CNTNAP5: variants seen among roughly 807,000 people sequenced by gnomAD.
CNTNAP5 encodes contactin associated protein family member 5.
CNTNAP5 carries 72 observed loss-of-function variants against 150.2 expected under a neutral mutation model. That is an observed-to-expected ratio of 0.48 (90% CI 0.40 to 0.58). The LOEUF is 0.58. Among genes scored for constraint, CNTNAP5 ranks in the 20% least tolerant of loss-of-function variants. The pLI is 0.00. For missense variants in CNTNAP5, 1,636 were observed against 1,626.2 expected (o/e 1.01, Z -0.10); for synonymous variants, 672 against 619.8 (o/e 1.08, Z -1.25).
In CNTNAP5 at chr2:124,167,263, C is replaced by T. The variant is rs1413052199; in HGVS notation, c.83-54442C>T. 2.0e-5 allele frequency among the ~76,000 whole-genome samples: 3 copies of T among 152,142 alleles called. No homozygotes were observed. The East Asian group carries it at 5.8e-4, about 29-fold the overall frequency. Reference sequence around the variant, plus strand: ...AATTCATTAAAACATGTTGCTTCTGCTCCTCAACACAAGTTTTAGGGGTGA... The same window carrying T: ...AATTCATTAAAACATGTTGCTTCTGTTCCTCAACACAAGTTTTAGGGGTGA... On this transcript the variant is annotated intron_variant, in intron 1 of 23. Transcript: ENST00000682447.
At chr2:124,072,524 T>G (rs996293782) in intron 1 of CNTNAP5, among the ~76,000 whole-genome samples, 1 of 151,958 alleles carries the variant, frequency 6.6e-6, no homozygotes, top group African/African-American at 2.4e-5. Context: ...ACAAATTCAG[T>G]AAAATTGCAG....
intron 13 of CNTNAP5, among the ~76,000 whole-genome samples, chr2:124,679,402 G>A (rs1331177248): frequency 6.6e-6 from 1 of 151,806 alleles, no homozygotes; most frequent in Non-Finnish European, 1.5e-5. Flanking sequence ...GATTCTGAAG[G>A]ACTTTGACAT....
At chr2:124,690,024 A>AT (rs34426663) in intron 13 of CNTNAP5, among the ~76,000 whole-genome samples, 34,062 of 151,554 alleles carry the variant, frequency 0.22, 4,191 homozygotes, top group Non-Finnish European at 0.29. Flanking sequence ...CTTACGGGAA[A>AT]TTTTTTTTTG....
At chr2:124,720,107 C>T (rs1312787951) in intron 13 of CNTNAP5, among the ~76,000 whole-genome samples, 1 of 152,094 alleles carries the variant, frequency 6.6e-6, no homozygotes, top group East Asian at 1.9e-4. Flanking sequence ...TTTGAATGAC[C>T]TTTTAGCTTA....
intron 11 of CNTNAP5, among the ~76,000 whole-genome samples, chr2:124,575,909 C>T (rs1170967585): frequency 6.6e-6 from 1 of 152,114 alleles, no homozygotes; most frequent in Non-Finnish European, 1.5e-5. Context: ...GATAACAGGC[C>T]ACAACCTCCG....
At chr2:124,510,312 T>TATCTATATATCTATATATATATAA in intron 8 of CNTNAP5, among the ~76,000 whole-genome samples, 1 of 118,892 alleles carries the variant, frequency 8.4e-6, no homozygotes, top group Admixed American at 1.0e-4. Flanking sequence ...TATATATATA[T>TATCTATATATCTATATATATATAA]CTATATATCT....
At chr2:124,883,745 T>C (rs1349772276) in intron 21 of CNTNAP5, among the ~76,000 whole-genome samples, 1 of 152,112 alleles carries the variant, frequency 6.6e-6, no homozygotes, top group Non-Finnish European at 1.5e-5. Flanking sequence ...TACATGCATG[T>C]ATATGCATAT....
rs570818227 is a variant in CNTNAP5, at chr2:124,151,002, T to C, written c.83-70703T>C. ...CATATCTATGGGTCAAGCTCAGTGC[T>C]AGAGATACATATGTGAATAACAGGG... On this transcript the variant is annotated intron_variant, in intron 1 of 23. Coordinates refer to ENST00000682447, the MANE Select transcript of CNTNAP5 (RefSeq NM_001367498.1). Among the ~76,000 whole-genome samples the C allele has an allele frequency of 1.4e-4, 22 of 152,284 alleles. 1 individual carries two copies. The highest frequency in any genetic ancestry group is 5.1e-4 in the African/African-American group (21 of 41,556).
At chr2:124,240,745 T>C (rs1686865189) in intron 2 of CNTNAP5, among the ~76,000 whole-genome samples, 1 of 152,168 alleles carries the variant, frequency 6.6e-6, no homozygotes, top group Non-Finnish European at 1.5e-5. Flanking sequence ...AACCACAATT[T>C]GCAAGATGTG....
chr2:124,714,053 A>G (rs950437939), intron 13 of CNTNAP5, among the ~76,000 whole-genome samples: 1 of 152,062 alleles, frequency 6.6e-6, no homozygotes, highest in African/African-American at 2.4e-5. Context: ...CCCCCCAAAC[A>G]TAGTATGACA....
intron 3 of CNTNAP5, among the ~76,000 whole-genome samples, chr2:124,351,672 A>C (rs2104702827): frequency 6.6e-6 from 1 of 152,254 alleles, no homozygotes; most frequent in East Asian, 1.9e-4. Flanking sequence ...TAAGAAAGAA[A>C]TGTTTCCCTA....
chr2:124,371,970 G>A (rs1690539126), intron 3 of CNTNAP5, among the ~76,000 whole-genome samples: 1 of 152,058 alleles, frequency 6.6e-6, no homozygotes, highest in Admixed American at 6.6e-5. Flanking sequence ...TATATCTGGT[G>A]TGTCTGTGAG....
At chr2:124,685,147 T>C (rs1003738045) in intron 13 of CNTNAP5, among the ~76,000 whole-genome samples, 2 of 152,182 alleles carry the variant, frequency 1.3e-5, no homozygotes, top group African/African-American at 4.8e-5. Flanking sequence ...TGTAAATTGC[T>C]TGTGAGCCGA....
At chr2:124,061,513 G>C (rs1330576941) in intron 1 of CNTNAP5, among the ~76,000 whole-genome samples, 2 of 152,106 alleles carry the variant, frequency 1.3e-5, no homozygotes, top group African/African-American at 4.8e-5. Context: ...TCATGTCACT[G>C]GCCACTTTCC....
chr2:124,770,901 AT>A (rs1256287159), intron 16 of CNTNAP5, among the ~76,000 whole-genome samples: 1 of 152,178 alleles, frequency 6.6e-6, no homozygotes, highest in Non-Finnish European at 1.5e-5. Context: ...TTTTATTCCC[AT>A]TTTACAGACA....
chr2:124,638,283 A>G (rs1200546305), intron 12 of CNTNAP5, among the ~76,000 whole-genome samples: 2 of 151,570 alleles, frequency 1.3e-5, no homozygotes, highest in Non-Finnish European at 2.9e-5. Context: ...ATGTCAGTAT[A>G]TTTACCCATT....
intron 19 of CNTNAP5, among the ~76,000 whole-genome samples, chr2:124,807,599 G>C (rs928400026): frequency 5.9e-5 from 9 of 152,140 alleles, no homozygotes; most frequent in Middle Eastern, 3.2e-3. Context: ...TGTCCAAGAA[G>C]ACACAGCAAG....
At chr2:124,265,409 T>A (rs549455525) in intron 3 of CNTNAP5, among the ~76,000 whole-genome samples, 220 of 152,266 alleles carry the variant, frequency 1.4e-3, no homozygotes, top group Non-Finnish European at 2.7e-3. Context: ...GGGGTCATTA[T>A]CGCCCCTCAT....
At chr2:124,552,988 A>C (rs1695662290) in intron 10 of CNTNAP5, among the ~76,000 whole-genome samples, 1 of 152,164 alleles carries the variant, frequency 6.6e-6, no homozygotes, top group South Asian at 2.1e-4. Context: ...AATGATAATA[A>C]TTTTACATTG....
Sources: gnomAD v4.1 joint callset for allele counts (sites outside exome capture counted in the v4.1 genomes callset) on GRCh38, gnomAD v4.1.1 for gene constraint, MANE v1.5 for transcripts, NCBI Gene and HGNC (gene_info 2026-07-23, HGNC 2026-07-21) for gene names.